Variants in ERBB4 observed in about 807,000 individuals in gnomAD.
ERBB4 encodes the protein erb-b2 receptor tyrosine kinase 4.
ERBB4 carries 42 observed loss-of-function variants against 158.0 expected under a neutral mutation model. That is an observed-to-expected ratio of 0.27 (90% CI 0.21 to 0.34). ERBB4 has a LOEUF of 0.34. ERBB4 is among the 10% of genes least tolerant of loss of function. ERBB4 has a pLI of 1.00. For synonymous variants in ERBB4, 583 were observed against 558.7 expected (o/e 1.04, Z -0.61); for missense variants, 1,333 against 1,624.1 (o/e 0.82, Z 3.08).
chr2:211,829,194 C>T (rs978771046), intron 3 of ERBB4, among the ~76,000 whole-genome samples: 29 of 152,130 alleles, frequency 1.9e-4, no homozygotes, highest in Admixed American at 1.4e-3. Flanking sequence ...ATTAACCCGT[C>T]CCTATGCCTT....
At chr2:211,574,543 A>G (rs2067835418) in intron 19 of ERBB4, among the ~76,000 whole-genome samples, 1 of 152,212 alleles carries the variant, frequency 6.6e-6, no homozygotes, top group African/African-American at 2.4e-5. Flanking sequence ...AATGCTACAT[A>G]AAGAGAAACA....
intron 2 of ERBB4, among the ~76,000 whole-genome samples, chr2:212,043,217 C>G (rs1207980824): frequency 6.6e-6 from 1 of 152,158 alleles, no homozygotes; most frequent in Non-Finnish European, 1.5e-5. Flanking sequence ...AATCCTGTGA[C>G]TTTCAAAGTC....
At chr2:211,988,322 C>A (rs2081988355) in intron 2 of ERBB4, among the ~76,000 whole-genome samples, 1 of 152,028 alleles carries the variant, frequency 6.6e-6, no homozygotes, top group South Asian at 2.1e-4. Context: ...CAGTTGGATT[C>A]TCTCCAAGCC....
chr2:211,733,189 A>C (rs577653981), intron 5 of ERBB4, among the ~76,000 whole-genome samples: 1 of 152,334 alleles, frequency 6.6e-6, no homozygotes, highest in South Asian at 2.1e-4. Flanking sequence ...CTATTTAATA[A>C]AGACATGATC....
chr2:211,517,323 T>A (rs1257359557), intron 20 of ERBB4, among the ~76,000 whole-genome samples: 1 of 152,148 alleles, frequency 6.6e-6, no homozygotes, highest in East Asian at 1.9e-4. Flanking sequence ...AAAGTTGCTA[T>A]AAGTAGTATC....
chr2:211,911,655 C>T (rs1313547984), intron 3 of ERBB4, among the ~76,000 whole-genome samples: 1 of 151,994 alleles, frequency 6.6e-6, no homozygotes, highest in South Asian at 2.1e-4. Flanking sequence ...AATGTAAAAT[C>T]AACATAAGAA....
At chr2:212,442,126 T>G (rs968121875) in intron 1 of ERBB4, among the ~76,000 whole-genome samples, 20 of 152,236 alleles carry the variant, frequency 1.3e-4, no homozygotes, top group Non-Finnish European at 2.4e-4. Flanking sequence ...GTCTGACTCG[T>G]GTAGAGCTCT....
intron 3 of ERBB4, among the ~76,000 whole-genome samples, chr2:211,858,273 G>C (rs1021519181): frequency 6.6e-6 from 1 of 152,150 alleles, no homozygotes; most frequent in African/African-American, 2.4e-5. Context: ...GTGAGAAAAA[G>C]CAATGAGCTG....
chr2:212,484,599 T>A (rs1689880285), intron 1 of ERBB4, among the ~76,000 whole-genome samples: 1 of 152,196 alleles, frequency 6.6e-6, no homozygotes, highest in African/African-American at 2.4e-5. Flanking sequence ...TTGTACATAA[T>A]AAAAGTTATT....
At chr2:211,943,782 C>T (rs1021493559) in intron 3 of ERBB4, among the ~76,000 whole-genome samples, 1 of 151,986 alleles carries the variant, frequency 6.6e-6, no homozygotes, top group African/African-American at 2.4e-5. Flanking sequence ...CAGTCACAAC[C>T]AACATGAAAG....
intron 1 of ERBB4, among the ~76,000 whole-genome samples, chr2:212,132,006 T>G (rs1288267856): frequency 6.6e-6 from 1 of 152,202 alleles, no homozygotes; most frequent in Non-Finnish European, 1.5e-5. Context: ...GAATACATTT[T>G]GTGTGTGGGT....
intron 13 of ERBB4, among the ~76,000 whole-genome samples, chr2:211,676,260 A>G (rs947683975): frequency 6.6e-6 from 1 of 152,206 alleles, no homozygotes; most frequent in African/African-American, 2.4e-5. Flanking sequence ...ACGTAAGTTG[A>G]TCATCTTTCA....
intron 14 of ERBB4, among the ~76,000 whole-genome samples, chr2:211,668,790 T>A (rs1352222688): frequency 2.0e-5 from 3 of 152,074 alleles, no homozygotes; most frequent in Admixed American, 6.5e-5. Flanking sequence ...AGTGCTTAAG[T>A]CTCCAGCCTT....
At chr2:212,402,361 G>A (rs1483967560) in intron 1 of ERBB4, among the ~76,000 whole-genome samples, 4 of 152,126 alleles carry the variant, frequency 2.6e-5, no homozygotes, top group South Asian at 2.1e-4. Context: ...GGGATTGGGC[G>A]GGCTTTGGAG....
intron 2 of ERBB4, among the ~76,000 whole-genome samples, chr2:212,092,369 A>G (rs2078805243): frequency 6.6e-6 from 1 of 152,170 alleles, no homozygotes; most frequent in African/African-American, 2.4e-5. Context: ...TAAAAAAGAA[A>G]CACTTTCTGC....
chr2:212,483,482 C>A (rs1408416723), intron 1 of ERBB4, among the ~76,000 whole-genome samples: 1 of 152,168 alleles, frequency 6.6e-6, no homozygotes, highest in Non-Finnish European at 1.5e-5. Context: ...AGGACGCTTT[C>A]TAAATTTCTT....
chr2:212,377,288 TAC>T (rs575048220), intron 1 of ERBB4, among the ~76,000 whole-genome samples: 3 of 149,812 alleles, frequency 2.0e-5, no homozygotes, highest in East Asian at 3.9e-4. Context: ...CATATGTATA[TAC>T]ACACACACAT....
intron 3 of ERBB4, among the ~76,000 whole-genome samples, chr2:211,891,791 A>G (rs1482858204): frequency 7.2e-6 from 1 of 138,520 alleles, no homozygotes; most frequent in Admixed American, 7.1e-5. Flanking sequence ...CTACACAAAT[A>G]AACTAGAAAA....
At chr2:211,701,649 C>CG (rs2106033122) in intron 12 of ERBB4, among the ~76,000 whole-genome samples, 1 of 148,252 alleles carries the variant, frequency 6.7e-6, no homozygotes, top group African/African-American at 2.5e-5. Context: ...TCCCAGCTAC[C>CG]GGAGGCTGAG....
Sources: allele counts gnomAD v4.1 joint callset (sites outside exome capture counted in the v4.1 genomes callset), GRCh38; gene constraint gnomAD v4.1.1; transcripts MANE v1.5; gene names NCBI Gene and HGNC (gene_info 2026-07-23, HGNC 2026-07-21).